The following WDR27 variants were observed in gnomAD, a reference collection of about 807,000 sequenced individuals.
The protein encoded by WDR27 is WD repeat-containing protein 27.
WDR27 carries 100 observed loss-of-function variants against 114.4 expected under a neutral mutation model. The ratio of observed to expected loss-of-function variants is 0.87; its 90% CI spans 0.74 to 1.03. The LOEUF (loss-of-function observed/expected upper bound fraction) is 1.03. Among genes scored for constraint, WDR27 ranks in the 50% least tolerant of loss-of-function variants. The pLI is 0.00. For missense variants in WDR27, 1,129 were observed against 1,092.9 expected, an observed-to-expected ratio of 1.03 and a Z score of -0.47; for synonymous variants, 449 against 423.1, an observed-to-expected ratio of 1.06 and a Z score of -0.75.
intron 1 of WDR27, among the ~76,000 whole-genome samples, chr6:169,700,246 T>A (rs996199876): frequency 6.6e-6 from 1 of 152,232 alleles, no homozygotes; most frequent in African/African-American, 2.4e-5. Context: ...CCAGGCCTGA[T>A]GGAGAGAACT....
chr6:169,502,057 CA>C (rs1348776620), intron 25 of WDR27, among the ~76,000 whole-genome samples: 2 of 152,196 alleles, frequency 1.3e-5, no homozygotes, highest in African/African-American at 2.4e-5. Flanking sequence ...AACGGAGCCG[CA>C]CGCACCACCT....
At chr6:169,627,442 T>A (rs1421865946) in intron 21 of WDR27, among the ~76,000 whole-genome samples, 1 of 152,014 alleles carries the variant, frequency 6.6e-6, no homozygotes, top group Admixed American at 6.6e-5. Context: ...CTGGCTCAAG[T>A]CTCCTCAATT....
At chr6:169,430,684 C>T in the WDR27 span, among the ~76,000 whole-genome samples, 1 of 152,340 alleles carries the variant, frequency 6.6e-6, no homozygotes, top group South Asian at 2.1e-4. Flanking sequence ...CAGATCCCAG[C>T]TCATTCTCTG....
At chr6:169,444,346 C>T in the WDR27 span, among the ~76,000 whole-genome samples, 1 of 152,214 alleles carries the variant, frequency 6.6e-6, no homozygotes, top group Non-Finnish European at 1.5e-5. Context: ...CTAGACTGTG[C>T]AGTGTGTTTG....
chr6:169,445,942 G>A, the WDR27 span, among the ~76,000 whole-genome samples: 1 of 152,206 alleles, frequency 6.6e-6, no homozygotes, highest in Non-Finnish European at 1.5e-5. Context: ...CCCTCCCTCT[G>A]CAACAGAGCT....
At chr6:169,588,507 GA>G (rs1164937600) in intron 23 of WDR27, among the ~76,000 whole-genome samples, 1 of 151,878 alleles carries the variant, frequency 6.6e-6, no homozygotes, top group African/African-American at 2.4e-5. Context: ...TATATTTGTT[GA>G]AAAAAAATCA....
chr6:169,512,509 C>A (rs182648895), intron 25 of WDR27, among the ~76,000 whole-genome samples: 49 of 152,260 alleles, frequency 3.2e-4, no homozygotes, highest in Admixed American at 8.5e-4. Flanking sequence ...AATGTTAATT[C>A]ATTTAGCTAC....
chr6:169,613,635 G>C lies in WDR27; in HGVS notation c.2245C>G (p.Gln749Glu). 1 of 1,613,584 alleles carries C rather than the reference G, an allele frequency of 6.2e-7. No individual in the cohort carries two copies. The highest frequency in any genetic ancestry group is 8.5e-7 in the Non-Finnish European group (1 of 1,179,590). The change falls in exon 22 of 26, where the codon CAG becomes GAG. Residue 749 changes from glutamine (Q) to glutamate (E), a missense_variant. Physicochemically the swap from Gln to Glu is conservative, Grantham distance 29. Coordinates refer to ENST00000448612, the MANE Select transcript of WDR27 (RefSeq NM_182552.5). ...AGGAAAAGGTTATAAGCCTGAGGCTGTTGGGTTGTAAATGATGAACCCTAT... is the reference window on the plus strand; with the variant it reads ...AGGAAAAGGTTATAAGCCTGAGGCTCTTGGGTTGTAAATGATGAACCCTAT... ...QNKGSSFTTQQPQAYNLFLTT... is the reference protein window; with the variant it reads ...QNKGSSFTTQEPQAYNLFLTT...
intron 25 of WDR27, among the ~76,000 whole-genome samples, chr6:169,532,655 T>A (rs927727202): frequency 2.6e-5 from 4 of 152,210 alleles, no homozygotes; most frequent in Admixed American, 6.5e-5. Flanking sequence ...TGAAATTTTA[T>A]TTAGTTTCAA....
intron 25 of WDR27, among the ~76,000 whole-genome samples, chr6:169,467,882 T>C (rs1785816192): frequency 6.6e-6 from 1 of 152,262 alleles, no homozygotes; most frequent in Admixed American, 6.5e-5. Flanking sequence ...TGAACTTTTA[T>C]GCTCTGCTTT....
chr6:169,696,417 T>C (rs901206715), intron 1 of WDR27, among the ~76,000 whole-genome samples: 2 of 152,196 alleles, frequency 1.3e-5, no homozygotes, highest in Non-Finnish European at 2.9e-5. Flanking sequence ...CACACCTGTA[T>C]ACACACATGC....
intron 25 of WDR27, among the ~76,000 whole-genome samples, chr6:169,467,420 C>A (rs1377710329): frequency 2.0e-5 from 3 of 152,212 alleles, no homozygotes; most frequent in African/African-American, 7.2e-5. Flanking sequence ...CTGCAGCAAA[C>A]TTCTGCCTGG....
At chr6:169,476,198 G>T (rs1425007141) in intron 25 of WDR27, among the ~76,000 whole-genome samples, 1 of 152,152 alleles carries the variant, frequency 6.6e-6, no homozygotes, top group East Asian at 1.9e-4. Flanking sequence ...AAGGGTGGAA[G>T]GCTACCCTGA....
intron 17 of WDR27, among the ~76,000 whole-genome samples, chr6:169,640,594 G>A (rs1228568713): frequency 1.3e-5 from 2 of 152,236 alleles, no homozygotes; most frequent in Admixed American, 6.5e-5. Context: ...CACCCATGCC[G>A]CTTGTACCGA....
At chr6:169,625,151 C>T (rs16888263) in intron 21 of WDR27, among the ~76,000 whole-genome samples, 9,581 of 152,248 alleles carry the variant, frequency 0.063, 886 homozygotes, top group African/African-American at 0.2. Context: ...CCACGATGGC[C>T]CTGCTGAAAT....
At chr6:169,476,594 C>T (rs901542622) in intron 25 of WDR27, among the ~76,000 whole-genome samples, 13 of 152,176 alleles carry the variant, frequency 8.5e-5, no homozygotes, top group Admixed American at 7.9e-4. Flanking sequence ...CACCATGCTT[C>T]GTCACCCCCA....
At chr6:169,612,710 A>G (rs1810878945) in intron 22 of WDR27, among the ~76,000 whole-genome samples, 1 of 150,968 alleles carries the variant, frequency 6.6e-6, no homozygotes, top group South Asian at 2.1e-4. Flanking sequence ...CTTTATAGTT[A>G]ATTTTTTTTA....
chr6:169,635,671 G>C (rs1021887784), intron 19 of WDR27, among the ~76,000 whole-genome samples: 2 of 152,260 alleles, frequency 1.3e-5, no homozygotes, highest in African/African-American at 4.8e-5. Context: ...CTCCATGAGA[G>C]AAGCAGGCAG....
intron 23 of WDR27, among the ~76,000 whole-genome samples, chr6:169,585,606 T>C (rs1342694764): frequency 6.6e-6 from 1 of 152,170 alleles, no homozygotes; most frequent in South Asian, 2.1e-4. Context: ...ACCATATATT[T>C]CATATGCTAT....
Sources: gnomAD v4.1 joint callset for allele counts (sites outside exome capture counted in the v4.1 genomes callset) on GRCh38, gnomAD v4.1.1 for gene constraint, MANE v1.5 for transcripts, NCBI Gene and HGNC (gene_info 2026-07-23, HGNC 2026-07-21) for gene names.